HMGB1: variants seen among roughly 807,000 people sequenced by gnomAD.
The protein encoded by HMGB1 is high mobility group protein B1.
For missense variants in HMGB1, 79 were observed against 253.5 expected, an observed-to-expected ratio of 0.31 and a Z score of 4.67; for synonymous variants, 81 against 84.0, an observed-to-expected ratio of 0.96 and a Z score of 0.19.
At chr13:30,546,351 T>C (rs1443969214) in intron 1 of HMGB1, among the ~76,000 whole-genome samples, 1 of 152,162 alleles carries the variant, frequency 6.6e-6, no homozygotes, top group African/African-American at 2.4e-5. Flanking sequence ...CCTGACCTCG[T>C]GATCTGCCTG....
At chr13:30,465,494 T>C (rs1362535313) in intron 1 of HMGB1, among the ~76,000 whole-genome samples, 1 of 149,196 alleles carries the variant, frequency 6.7e-6, no homozygotes, top group Non-Finnish European at 1.5e-5. Context: ...AAAATTTTTT[T>C]AATTAAAAAA....
chr13:30,578,599 C>T lies in HMGB1; in HGVS notation c.-15+38072G>A, dbSNP rs78519064. ...TTCTTCACACCATCCTTTAAACAGC[C>T]GACAGAATGGTCATCCTAAAGCACA... is the stretch of plus-strand genomic sequence containing the variant. On this transcript the variant is annotated intron_variant, in intron 1 of 4. Coordinates refer to the HMGB1 transcript ENST00000405805. 7.2e-4 allele frequency among the ~76,000 whole-genome samples: 110 copies of T among 152,092 alleles called. No homozygotes were observed. In the East Asian group the frequency reaches 0.015, roughly 21 times the overall value.
chr13:30,542,032 CCCTT>C (rs1400423330), intron 1 of HMGB1: 1 of 153,450 alleles, frequency 6.5e-6, no homozygotes, highest in Admixed American at 6.5e-5. Context: ...CGTCTCTGCT[CCCTT>C]GTTTGTTTTA....
chr13:30,562,209 A>C (rs1869987130), intron 1 of HMGB1, among the ~76,000 whole-genome samples: 1 of 151,910 alleles, frequency 6.6e-6, no homozygotes, highest in Admixed American at 6.6e-5. Context: ...AGGCAGGAGA[A>C]TCGCTTGAAC....
intron 1 of HMGB1, among the ~76,000 whole-genome samples, chr13:30,483,838 T>C (rs1248002436): frequency 1.3e-5 from 2 of 152,096 alleles, no homozygotes; most frequent in Non-Finnish European, 2.9e-5. Flanking sequence ...GGTCTCAAAC[T>C]CTTGGGCTGA....
At chr13:30,461,719 C>T (rs1310388619) in intron 4 of HMGB1, 186 bp from the exon 5 acceptor site, 3 of 1,421,186 alleles carry the variant, frequency 2.1e-6, no homozygotes, top group Non-Finnish European at 9.8e-7. Context: ...AATACAAGAT[C>T]ATTATAACAA....
At chr13:30,596,689 C>T (rs1871625524) in intron 1 of HMGB1, among the ~76,000 whole-genome samples, 1 of 152,200 alleles carries the variant, frequency 6.6e-6, no homozygotes, top group African/African-American at 2.4e-5. Context: ...TAGCAAACAG[C>T]AGGCCTTGAG....
intron 1 of HMGB1, among the ~76,000 whole-genome samples, chr13:30,486,396 C>T (rs1376307013): frequency 6.6e-6 from 1 of 152,162 alleles, no homozygotes; most frequent in Non-Finnish European, 1.5e-5. Flanking sequence ...GGAATTCTAC[C>T]AACATTTGCC....
chr13:30,484,272 G>A (rs932325558), intron 1 of HMGB1, among the ~76,000 whole-genome samples: 1 of 152,142 alleles, frequency 6.6e-6, no homozygotes, highest in Non-Finnish European at 1.5e-5. Flanking sequence ...GCAGGGCAGG[G>A]TGTGCTTTCT....
intron 1 of HMGB1, among the ~76,000 whole-genome samples, chr13:30,494,044 C>A (rs1887557414): frequency 6.6e-6 from 1 of 151,800 alleles, no homozygotes; most frequent in South Asian, 2.1e-4. Context: ...TAAATAGGTG[C>A]AATTTATTGT....
chr13:30,546,410 G>A (rs1052182290), intron 1 of HMGB1, among the ~76,000 whole-genome samples: 33 of 152,018 alleles, frequency 2.2e-4, no homozygotes, highest in African/African-American at 5.5e-4. Flanking sequence ...CACTGAGCCC[G>A]GCCAACCTCA....
chr13:30,539,588 G>T, intron 1 of HMGB1: 1 of 276,388 alleles, frequency 3.6e-6, no homozygotes, highest in Non-Finnish European at 6.7e-6. Flanking sequence ...TAGTGCTAAT[G>T]TGCTGGGGGC....
chr13:30,608,746 G>A (rs372132790), intron 1 of HMGB1, among the ~76,000 whole-genome samples: 3 of 152,198 alleles, frequency 2.0e-5, no homozygotes, highest in East Asian at 1.9e-4. Context: ...GCAGCTCGTT[G>A]TTGCTCCAAA....
intron 1 of HMGB1, among the ~76,000 whole-genome samples, chr13:30,482,084 G>T (rs1232480934): frequency 6.6e-6 from 1 of 152,066 alleles, no homozygotes. Flanking sequence ...CCTGCCTCGA[G>T]GTATTCTTAG....
intron 1 of HMGB1, among the ~76,000 whole-genome samples, chr13:30,595,662 A>G (rs1419359368): frequency 2.0e-5 from 3 of 152,132 alleles, no homozygotes; most frequent in Non-Finnish European, 2.9e-5. Flanking sequence ...GTCGGCTGGG[A>G]CGGCCATCCT....
intron 1 of HMGB1, among the ~76,000 whole-genome samples, chr13:30,560,346 G>T (rs544086025): frequency 6.6e-6 from 1 of 152,292 alleles, no homozygotes; most frequent in South Asian, 2.1e-4. Flanking sequence ...TTTGGTTTTG[G>T]CAAATATGAA....
intron 4 of HMGB1, chr13:30,461,823 G>T: frequency 1.9e-6 from 1 of 535,898 alleles, no homozygotes; most frequent in Non-Finnish European, 3.2e-6. Context: ...ATTAAAACCA[G>T]AATGTAGAGA....
chr13:30,613,815 G>A (rs949802486), intron 1 of HMGB1, among the ~76,000 whole-genome samples: 1 of 151,850 alleles, frequency 6.6e-6, no homozygotes, highest in African/African-American at 2.4e-5. Flanking sequence ...CATTGGCTAG[G>A]GCACAAATAT....
At chr13:30,567,635 C>T (rs187860560) in intron 1 of HMGB1, among the ~76,000 whole-genome samples, 123 of 152,334 alleles carry the variant, frequency 8.1e-4, no homozygotes, top group African/African-American at 2.8e-3. Context: ...CAGGCATGAA[C>T]CACTGCGCCC....
Sources: gnomAD v4.1 joint callset for allele counts (sites outside exome capture counted in the v4.1 genomes callset) on GRCh38, gnomAD v4.1.1 for gene constraint, MANE v1.5 for transcripts, NCBI Gene and HGNC (gene_info 2026-07-23, HGNC 2026-07-21) for gene names.